The following WIPF3 variants were observed in gnomAD, a reference collection of about 807,000 sequenced individuals.
WIPF3 encodes WAS/WASL interacting protein family member 3.
In WIPF3, 33 loss-of-function variants were observed where a neutral mutation model predicts 38.9. That is an observed-to-expected ratio of 0.85 (90% CI 0.64 to 1.14). WIPF3 has a LOEUF of 1.14. Among genes scored for constraint, WIPF3 ranks in the 50% most tolerant of loss-of-function variants. WIPF3 has a pLI of 0.00. For missense variants in WIPF3, 711 were observed against 652.5 expected (o/e 1.09, Z -0.98); for synonymous variants, 324 against 269.3 (o/e 1.20, Z -1.99).
At chr7:29,817,518 G>C (rs1335511310) in intron 1 of WIPF3, among the ~76,000 whole-genome samples, 1 of 151,800 alleles carries the variant, frequency 6.6e-6, no homozygotes, top group Non-Finnish European at 1.5e-5. Flanking sequence ...TTTAATGTAA[G>C]GCATGAGATC....
intron 2 of WIPF3, among the ~76,000 whole-genome samples, chr7:29,845,698 A>G (rs1304581395): frequency 1.3e-5 from 2 of 152,220 alleles, no homozygotes; most frequent in South Asian, 2.1e-4. Context: ...CTCTCTCCTA[A>G]ACAGACCAGA....
intron 2 of WIPF3, among the ~76,000 whole-genome samples, chr7:29,859,799 A>G (rs1785245066): frequency 6.6e-6 from 1 of 152,180 alleles, no homozygotes; most frequent in African/African-American, 2.4e-5. Flanking sequence ...ATAAGTTTAT[A>G]AGAGTGGAAA....
chr7:29,863,048 TTTTG>T (rs1452633119), intron 2 of WIPF3, among the ~76,000 whole-genome samples: 2 of 152,214 alleles, frequency 1.3e-5, no homozygotes, highest in Non-Finnish European at 2.9e-5. Flanking sequence ...GTATTTTTTA[TTTTG>T]TTTGTTTTTA....
At chr7:29,809,939 G>A (rs1358817754) in intron 1 of WIPF3, among the ~76,000 whole-genome samples, 1 of 152,164 alleles carries the variant, frequency 6.6e-6, no homozygotes, top group Non-Finnish European at 1.5e-5. Context: ...ATCCAGGAGA[G>A]AGTGCCAGGC....
At position 29,904,528 on chromosome 7, in the gene WIPF3, C is replaced by T. The variant is rs569079797; in HGVS notation, c.1428+166C>T. 409 of 619,010 alleles carry T rather than the reference C, an allele frequency of 6.6e-4. 5 individuals are homozygous for T. The South Asian group carries it at 8.5e-3, about 13-fold the overall frequency. 38.3% of individuals were successfully genotyped at this position (619,010 alleles called of 1,614,324 possible). On this transcript the variant is annotated intron_variant, in intron 8 of 8. Transcript: ENST00000242140. ...CCTTTTTTCAAGCCAGAATGAAACA[C>T]TCACCATTTCAAAATCTGAAGTGTG...
intron 1 of WIPF3, among the ~76,000 whole-genome samples, chr7:29,814,016 G>T (rs1380815986): frequency 2.0e-5 from 3 of 151,950 alleles, no homozygotes; most frequent in Non-Finnish European, 4.4e-5. Flanking sequence ...GACCACCCAG[G>T]CACAGGTGAT....
intron 4 of WIPF3, 56 bp from the exon 5 acceptor site, chr7:29,883,794 C>T: frequency 6.6e-7 from 1 of 1,505,260 alleles, no homozygotes; most frequent in Non-Finnish European, 8.9e-7. Flanking sequence ...CGCCTACCTG[C>T]GGGGGCTTTC....
intron 7 of WIPF3, among the ~76,000 whole-genome samples, chr7:29,897,087 T>A (rs1202372481): frequency 1.3e-5 from 2 of 152,266 alleles, no homozygotes; most frequent in Non-Finnish European, 2.9e-5. Context: ...TTATATAGCA[T>A]TAGTTTTTTT....
At chr7:29,811,106 G>C (rs575625149) in intron 1 of WIPF3, among the ~76,000 whole-genome samples, 11 of 152,050 alleles carry the variant, frequency 7.2e-5, no homozygotes, top group African/African-American at 2.7e-4. Flanking sequence ...GCCCAGGCTG[G>C]TCTCAAACTC....
chr7:29,815,724 A>G (rs1191148810), intron 1 of WIPF3, among the ~76,000 whole-genome samples: 1 of 152,240 alleles, frequency 6.6e-6, no homozygotes, highest in Non-Finnish European at 1.5e-5. Flanking sequence ...CATGCCTAAT[A>G]GAGCATCATG....
intron 2 of WIPF3, among the ~76,000 whole-genome samples, chr7:29,852,337 A>T (rs73686249): frequency 0.025 from 3,839 of 152,344 alleles, 142 homozygotes; most frequent in African/African-American, 0.079. Context: ...GGTTCTCAAG[A>T]GTAAAACAGG....
chr7:29,857,733 T>C (rs1324242432), intron 2 of WIPF3, among the ~76,000 whole-genome samples: 1 of 152,224 alleles, frequency 6.6e-6, no homozygotes, highest in Non-Finnish European at 1.5e-5. Flanking sequence ...CATGTAAACA[T>C]TGAATATATC....
intron 5 of WIPF3, 94 bp downstream of exon 5, chr7:29,884,687 G>T: frequency 7.6e-6 from 11 of 1,453,928 alleles, no homozygotes; most frequent in Non-Finnish European, 1.0e-5. Flanking sequence ...TCGTTTCAGA[G>T]ATGGACACCA....
intron 2 of WIPF3, among the ~76,000 whole-genome samples, chr7:29,851,043 C>A (rs1583602818): frequency 1.3e-5 from 2 of 152,210 alleles, no homozygotes; most frequent in South Asian, 2.1e-4. Flanking sequence ...CCCTCTCCCC[C>A]AGTCCTTGGC....
rs1399055308 is a variant in WIPF3 at position 29,892,073 on chromosome 7, C to T, written c.1351+2666C>T. 3.9e-5 allele frequency among the ~76,000 whole-genome samples: 6 copies of T among 152,292 alleles called. No individual in the cohort carries two copies. The East Asian group carries it at 7.7e-4, about 20-fold the overall frequency. On this transcript the variant is annotated intron_variant, in intron 7 of 8. Coordinates refer to ENST00000242140, the MANE Select transcript of WIPF3 (RefSeq NM_001080529.3). Reference sequence around the variant, plus strand: ...CTTTCCCCATCTTGTGAAATATGCACAGGAATCAGCTCGATAAAAACCTAA... The same window carrying T: ...CTTTCCCCATCTTGTGAAATATGCATAGGAATCAGCTCGATAAAAACCTAA...
chr7:29,833,817 T>C (rs1355735093), intron 1 of WIPF3, among the ~76,000 whole-genome samples: 3 of 152,212 alleles, frequency 2.0e-5, no homozygotes, highest in African/African-American at 7.2e-5. Context: ...ATATAGGTTT[T>C]TCCAATTCTT....
intron 2 of WIPF3, among the ~76,000 whole-genome samples, chr7:29,870,981 C>T (rs1785485968): frequency 6.7e-6 from 1 of 150,354 alleles, no homozygotes; most frequent in African/African-American, 2.4e-5. Flanking sequence ...AAGAATCAGG[C>T]TTTAGAAAAG....
At chr7:29,866,019 C>T (rs1242114840) in intron 2 of WIPF3, among the ~76,000 whole-genome samples, 6 of 152,116 alleles carry the variant, frequency 3.9e-5, no homozygotes, top group Admixed American at 1.3e-4. Flanking sequence ...ATTAGCCGGG[C>T]GTGATGGCAC....
chr7:29,884,359 C>CCGG lies in WIPF3; in HGVS notation c.866_867insGGC (p.Pro289_Pro290insAla). 6.8e-7 allele frequency: 1 copy of CCGG among 1,474,680 alleles called. No homozygotes were observed. The highest frequency in any genetic ancestry group is 9.0e-7 in the Non-Finnish European group (1 of 1,112,238). The allele number at this position is 1,474,680 out of a possible 1,614,324, so 91.3% of individuals were successfully genotyped here. A position where few individuals can be genotyped will look rare whatever the true frequency, so the allele number is the denominator to read the frequency against. ...CAGCCCTGCGCAAGATGCGCAGGAG[C>CCGG]CTCCCGCCCCGCCGCCCCCGCTCCC... On this transcript the variant is annotated inframe_insertion, in exon 5 of 9. Transcript: ENST00000242140.
Sources: gnomAD v4.1 joint callset for allele counts (sites outside exome capture counted in the v4.1 genomes callset) on GRCh38, gnomAD v4.1.1 for gene constraint, MANE v1.5 for transcripts, NCBI Gene and HGNC (gene_info 2026-07-23, HGNC 2026-07-21) for gene names.